The following TMEM255A variants were observed in gnomAD, a reference collection of about 807,000 sequenced individuals.
The protein encoded by TMEM255A is transmembrane protein 255A, also known as family with sequence similarity 70, member A.
A neutral mutation model predicts 23.5 loss-of-function variants in TMEM255A; 14 were observed. The ratio of observed to expected loss-of-function variants is 0.60; its 90% confidence interval spans 0.39 to 0.93. The LOEUF (loss-of-function observed/expected upper bound fraction) is 0.93, where lower values mean the gene tolerates loss of function less well. TMEM255A is among the 40% of genes least tolerant of loss of function. TMEM255A has a pLI of 0.00. For missense variants in TMEM255A, 233 were observed against 261.7 expected (o/e 0.89, Z 0.76); for synonymous variants, 104 against 100.3 (o/e 1.04, Z -0.22).
intron 8 of TMEM255A, among the ~76,000 whole-genome samples, chrX:120,265,988 C>CAAAAAAAAAAAAA (rs782107279): frequency 1.0e-4 from 7 of 68,742 alleles, no homozygotes; most frequent in African/African-American, 2.4e-4. Flanking sequence ...ACAAAAGATA[C>CAAAAAAAAAAAAA]AAAAAAAAAA....
At chrX:120,304,200 G>C in intron 2 of TMEM255A, 149 bp downstream of exon 2, 1 of 583,863 alleles carries the variant, frequency 1.7e-6, no homozygotes, top group Non-Finnish European at 2.7e-6. Flanking sequence ...CGGGCCCAGA[G>C]TTGCCTCTCC....
At chrX:120,263,211 G>A (rs1365195407) in intron 8 of TMEM255A, among the ~76,000 whole-genome samples, 3 of 112,072 alleles carry the variant, frequency 2.7e-5, no homozygotes, top group East Asian at 2.8e-4. Flanking sequence ...TGGCTTTGTC[G>A]CAGCCAGGGA....
downstream of TMEM255A, chrX:120,255,100 A>G (rs781868326): frequency 4.1e-6 from 5 of 1,210,116 alleles, no homozygotes; most frequent in Admixed American, 2.2e-5. Context: ...TTCATCAACT[A>G]TCAGTTTATG....
At chrX:120,277,104 GC>G (rs1193839282) in intron 6 of TMEM255A, 57 bp from the exon 7 acceptor site, 1 of 1,065,014 alleles carries the variant, frequency 9.4e-7, no homozygotes, top group African/African-American at 1.8e-5. Flanking sequence ...GTCCTCCCCA[GC>G]CCCCTCCCCA....
chrX:120,260,143 T>G lies in TMEM255A; in HGVS notation c.*727A>C, dbSNP rs1483108520. On this transcript the variant is annotated 3_prime_UTR_variant, in exon 9 of 9. Coordinates refer to ENST00000371369, the MANE Select transcript of TMEM255A (RefSeq NM_001104544.3). ...TGTAGTAGAACCACTGTCTCCTAAG[T>G]GATCTACTTAAAACATCTCACATGT... The G allele has an allele frequency of 1.4e-6, 1 of 734,891 alleles. No homozygotes were observed. Among genetic ancestry groups the G allele is most frequent in the African/African-American group, 2.3e-5 (1 of 43,058 alleles). The allele number at this position is 734,891 out of a possible 1,213,427, so 60.6% of individuals were successfully genotyped here.
At chrX:120,289,918 C>T (rs2057902934) in intron 4 of TMEM255A, among the ~76,000 whole-genome samples, 2 of 110,660 alleles carry the variant, frequency 1.8e-5, no homozygotes, top group South Asian at 7.5e-4. Context: ...AAACCAATCA[C>T]AAGAGAATAT....
At chrX:120,257,908 C>T (rs1556015782), downstream of TMEM255A, 1 of 122,922 alleles carries the variant, frequency 8.1e-6, no homozygotes, top group African/African-American at 3.3e-5. Context: ...TGCTCCTATG[C>T]TAAATTACCT....
chrX:120,289,089 C>G (rs1474790208), intron 4 of TMEM255A, among the ~76,000 whole-genome samples: 2 of 111,638 alleles, frequency 1.8e-5, no homozygotes, highest in Non-Finnish European at 3.8e-5. Context: ...CTGGCTCTCA[C>G]CCATCCAAGC....
rs782784838 is a variant in TMEM255A at position 120,260,261 on chromosome X, A to G, written c.*609T>C. On this transcript the variant is annotated 3_prime_UTR_variant, in exon 9 of 9. Transcript: ENST00000371369. Reference sequence around the variant, plus strand: ...GCACTTTTCCCTTTAGGAGGTACCAATAACAAAAGCTGAGCTGAGTGATCA... The same window carrying G: ...GCACTTTTCCCTTTAGGAGGTACCAGTAACAAAAGCTGAGCTGAGTGATCA... The G allele has an allele frequency of 9.7e-5, 71 of 731,986 alleles. No individual in the cohort carries two copies. The highest frequency in any genetic ancestry group is 1.1e-4 in the Non-Finnish European group (68 of 619,637). 60.3% of individuals were successfully genotyped at this position (731,986 alleles called of 1,213,427 possible). A position where few individuals can be genotyped will look rare whatever the true frequency, so the allele number is the denominator to read the frequency against.
intron 8 of TMEM255A, 79 bp from the exon 9 acceptor site, chrX:120,261,107 T>G: frequency 9.1e-7 from 1 of 1,097,445 alleles, no homozygotes; most frequent in South Asian, 2.3e-5. Context: ...TAAAAATGAA[T>G]ATGGGCCAAA....
In TMEM255A at chrX:120,260,932, G is replaced by T. The variant is rs782270668; in HGVS notation, c.916C>A (p.Pro306Thr). 1 of 1,197,771 alleles carries T rather than the reference G, an allele frequency of 8.3e-7. No homozygotes were observed. Among genetic ancestry groups the T allele is most frequent in the Non-Finnish European group, 1.1e-6 (1 of 891,262 alleles). The change falls in exon 9 of 9, where the codon CCG (proline) becomes ACG (threonine). Residue 306 changes from proline to threonine, a missense_variant. Coordinates refer to ENST00000371369, the MANE Select transcript of TMEM255A (RefSeq NM_001104544.3). ...SPSYMWSSSAPPRYSPPYYPP... is the reference protein window; with the variant it reads ...SPSYMWSSSATPRYSPPYYPP... ...TAGTAGGGTGGAGAGTAACGGGGCG[G>T]TGCACTTGAGGACCACATGTAGCTG...
intron 6 of TMEM255A, among the ~76,000 whole-genome samples, chrX:120,278,176 G>A (rs1374769430): frequency 1.2e-5 from 1 of 86,461 alleles, no homozygotes; most frequent in Non-Finnish European, 2.1e-5. Flanking sequence ...CTACTTGAAT[G>A]TGAAAGGAAA....
At chrX:120,268,484 C>A in intron 7 of TMEM255A, 97 bp from the exon 8 acceptor site, 2 of 634,915 alleles carry the variant, frequency 3.2e-6, no homozygotes, top group Non-Finnish European at 4.5e-6. Flanking sequence ...TACCATGCAG[C>A]TATTGATAAA....
At position 120,288,338 on chromosome X, in the gene TMEM255A, A is replaced by C. The variant is rs1278568420; in HGVS notation, c.355-1116T>G. 2.2e-4 allele frequency among the ~76,000 whole-genome samples: 25 copies of C among 112,047 alleles called. No individual in the cohort carries two copies. The Admixed American group carries it at 2.3e-3, about 10-fold the overall frequency. On this transcript the variant is annotated intron_variant, in intron 4 of 8. Coordinates refer to ENST00000371369, the MANE Select transcript of TMEM255A (RefSeq NM_001104544.3). ...AAACTCCTGCCTGCTCAATGTTCTG[A>C]AAGTACCTTGCCCTGTTAGCTTAGC... is the stretch of plus-strand genomic sequence containing the variant.
Position 120,296,876 on chromosome X carries a change from C to A in TMEM255A, c.202-2825G>T, listed in dbSNP as rs1439670954. Among the ~76,000 whole-genome samples the A allele has an allele frequency of 3.0e-3, 9 of 3,025 alleles. 2 individuals are homozygous for A. Among genetic ancestry groups the A allele is most frequent in the Non-Finnish European group, 3.4e-3 (8 of 2,347 alleles). The allele number at this position is 3,025 out of a possible 115,157, so 2.6% of individuals were successfully genotyped here. On this transcript the variant is annotated intron_variant, in intron 2 of 8. Coordinates refer to ENST00000371369, the MANE Select transcript of TMEM255A (RefSeq NM_001104544.3). ...ATATAATATATAATATATTATATAT[C>A]ATATATATTATATATGATATATATA...
intron 6 of TMEM255A, 33 bp downstream of exon 6, chrX:120,285,094 C>A (rs1240176419): frequency 1.8e-6 from 2 of 1,133,280 alleles, no homozygotes; most frequent in East Asian, 3.0e-5. Context: ...TGTGGTCAGA[C>A]CATTATTCCT....
At chrX:120,270,223 A>G (rs1456411267) in intron 7 of TMEM255A, among the ~76,000 whole-genome samples, 1 of 111,479 alleles carries the variant, frequency 9.0e-6, no homozygotes, top group African/African-American at 3.3e-5. Flanking sequence ...GTTATATTTT[A>G]AATCAATAAA....
In TMEM255A at chrX:120,260,491, A is replaced by G. The variant is rs782731762; in HGVS notation, c.*379T>C. 7.5e-5 allele frequency: 10 copies of G among 133,249 alleles called. No homozygotes were observed. The highest frequency in any genetic ancestry group is 1.5e-4 in the Non-Finnish European group (10 of 68,266). The allele number at this position is 133,249 out of a possible 1,213,427, so 11.0% of individuals were successfully genotyped here. A position where few individuals can be genotyped will look rare whatever the true frequency, so the allele number is the denominator to read the frequency against. ...TAGGGCCTATAAACCAGGTGCTTCA[A>G]CCTAGGTGCTGGGGTGGCAATCTGC... On this transcript the variant is annotated 3_prime_UTR_variant, in exon 9 of 9. Transcript: ENST00000371369.
At chrX:120,267,237 T>G (rs2057723967) in intron 8 of TMEM255A, among the ~76,000 whole-genome samples, 1 of 112,276 alleles carries the variant, frequency 8.9e-6, no homozygotes, top group Admixed American at 9.4e-5. Context: ...CTTAATCAGA[T>G]TTTTAAGTTT....
Sources: allele counts gnomAD v4.1 joint callset (sites outside exome capture counted in the v4.1 genomes callset), GRCh38; gene constraint gnomAD v4.1.1; transcripts MANE v1.5; gene names NCBI Gene and HGNC (gene_info 2026-07-23, HGNC 2026-07-21).